The following MAMDC2 variants were observed in gnomAD, a reference collection of about 807,000 sequenced individuals.
MAMDC2 encodes MAM domain-containing protein 2.
MAMDC2 carries 57 observed loss-of-function variants against 89.8 expected under a neutral mutation model. That is an observed-to-expected ratio of 0.63 (90% confidence interval 0.51 to 0.79). The LOEUF (loss-of-function observed/expected upper bound fraction) is 0.79. Among genes scored for constraint, MAMDC2 ranks in the 30% least tolerant of loss-of-function variants. The probability of loss-of-function intolerance (pLI) is 0.00; values close to 1 mark genes in which losing one functional copy is unlikely to be tolerated. For missense variants in MAMDC2, 800 were observed against 820.6 expected (o/e 0.97, Z 0.31); for synonymous variants, 313 against 293.4 (o/e 1.07, Z -0.68).
In MAMDC2 at chr9:70,044,709, C is replaced by T. The variant is rs1048427244; in HGVS notation, c.148+12C>T. The T allele has an allele frequency of 3.9e-6, 6 of 1,537,824 alleles. No homozygotes were observed. Among genetic ancestry groups the T allele is most frequent in the Non-Finnish European group, 5.3e-6 (6 of 1,134,756 alleles). ...TTTAAATGAGGAAGGTAAGGAGGCT[C>T]GGTGGAGAGGGGCGCGAAGTGAACT... On this transcript the variant is annotated intron_variant, in intron 2 of 13. Coordinates refer to ENST00000377182, the MANE Select transcript of MAMDC2 (RefSeq NM_153267.5).
chr9:70,147,656 T>C (rs1246742238), intron 9 of MAMDC2, among the ~76,000 whole-genome samples: 1 of 150,140 alleles, frequency 6.7e-6, no homozygotes, highest in Non-Finnish European at 1.5e-5. Context: ...CCCCCTTGAC[T>C]TCCCAAATTC....
chr9:70,156,488 A>T (rs1352750908), intron 9 of MAMDC2, among the ~76,000 whole-genome samples: 1 of 152,236 alleles, frequency 6.6e-6, no homozygotes, highest in Admixed American at 6.5e-5. Flanking sequence ...ATCACATTTC[A>T]TGATGTCTGG....
Position 70,144,969 on chromosome 9 carries a change from T to C in MAMDC2, c.1404+1150T>C, listed in dbSNP as rs2031351092. Reference sequence around the variant, plus strand: ...CATCATTAAACTTTACCATGGTTAATCAAAGATCTCTGAAAATCTTTTGTT... The same window carrying C: ...CATCATTAAACTTTACCATGGTTAACCAAAGATCTCTGAAAATCTTTTGTT... On this transcript the variant is annotated intron_variant, in intron 9 of 13. Transcript: ENST00000377182. 2.0e-5 allele frequency among the ~76,000 whole-genome samples: 3 copies of C among 152,250 alleles called. No individual in the cohort carries two copies. In the South Asian group the frequency reaches 6.2e-4, roughly 32 times the overall value.
rs1460443289 is a variant in MAMDC2, at chr9:70,203,462, G to C, written c.1652-14875G>C. ...ATGGGCTTCCCTTTGAGGGTAACCCGACCTTTCTCTCTGGCTGCCCTTAAC... is the reference window on the plus strand; with the variant it reads ...ATGGGCTTCCCTTTGAGGGTAACCCCACCTTTCTCTCTGGCTGCCCTTAAC... On this transcript the variant is annotated intron_variant, in intron 11 of 13. Transcript: ENST00000377182. Among the ~76,000 whole-genome samples the C allele has an allele frequency of 2.9e-5, 4 of 139,984 alleles. No individual in the cohort carries two copies. The East Asian group carries it at 8.3e-4, about 29-fold the overall frequency. The allele number at this position is 139,984 out of a possible 152,430, so 91.8% of individuals were successfully genotyped here.
At chr9:70,159,047 TACACACACAC>T (rs755304556) in intron 9 of MAMDC2, among the ~76,000 whole-genome samples, 3 of 145,066 alleles carry the variant, frequency 2.1e-5, no homozygotes, top group Non-Finnish European at 1.5e-5. Flanking sequence ...GCATGCATAA[TACACACACAC>T]ACACACACAC....
chr9:70,102,506 C>T (rs1192032214), intron 2 of MAMDC2, among the ~76,000 whole-genome samples: 1 of 152,188 alleles, frequency 6.6e-6, no homozygotes, highest in African/African-American at 2.4e-5. Context: ...TCTGGCCATG[C>T]AGATGTGTCC....
At chr9:70,168,890 C>T in intron 10 of MAMDC2, 95 bp downstream of exon 10, 6 of 1,066,024 alleles carry the variant, frequency 5.6e-6, no homozygotes, top group Non-Finnish European at 8.4e-6. Context: ...TGTGCTAGTC[C>T]ATCCTTTGCT....
At chr9:70,142,310 G>A (rs1170204814) in intron 8 of MAMDC2, among the ~76,000 whole-genome samples, 1 of 152,156 alleles carries the variant, frequency 6.6e-6, no homozygotes, top group Non-Finnish European at 1.5e-5. Flanking sequence ...TGGCTGCACC[G>A]TGGGGAGGAA....
chr9:70,046,187 C>T (rs1563929760), intron 2 of MAMDC2, among the ~76,000 whole-genome samples: 2 of 152,194 alleles, frequency 1.3e-5, no homozygotes, highest in African/African-American at 4.8e-5. Context: ...GCCCCACTTC[C>T]TGAGTGTCTG....
intron 11 of MAMDC2, among the ~76,000 whole-genome samples, chr9:70,215,074 G>A (rs576301634): frequency 1.8e-4 from 28 of 152,238 alleles, no homozygotes; most frequent in South Asian, 4.2e-4. Context: ...TAAGAATAGC[G>A]AAGTAAAAAC....
intron 7 of MAMDC2, among the ~76,000 whole-genome samples, chr9:70,132,419 TA>T (rs1563968542): frequency 6.6e-6 from 1 of 152,176 alleles, no homozygotes; most frequent in African/African-American, 2.4e-5. Context: ...CTTGGTTATG[TA>T]GCATGGAAAG....
intron 2 of MAMDC2, among the ~76,000 whole-genome samples, chr9:70,106,821 G>A (rs934569286): frequency 6.6e-6 from 1 of 152,144 alleles, no homozygotes; most frequent in Admixed American, 6.6e-5. Flanking sequence ...GGCAAGAAAG[G>A]ATCCCTGAAG....
At chr9:70,109,899 A>G (rs1005691477) in intron 4 of MAMDC2, 95 bp downstream of exon 4, 186 of 934,048 alleles carry the variant, frequency 2.0e-4, no homozygotes, top group African/African-American at 4.7e-4. Flanking sequence ...AAGACCAACT[A>G]TTTTATAGAA....
At chr9:70,204,780 C>G (rs1473885036) in intron 11 of MAMDC2, among the ~76,000 whole-genome samples, 1 of 152,120 alleles carries the variant, frequency 6.6e-6, no homozygotes, top group African/African-American at 2.4e-5. Context: ...TTAAGCCGGT[C>G]TGAAAAGAGC....
chr9:70,112,645 C>G (rs965274067), intron 4 of MAMDC2, among the ~76,000 whole-genome samples: 1 of 152,096 alleles, frequency 6.6e-6, no homozygotes, highest in Admixed American at 6.5e-5. Flanking sequence ...ATGCCTGGCA[C>G]TATGCTGGGA....
intron 2 of MAMDC2, among the ~76,000 whole-genome samples, chr9:70,101,074 CGTT>C (rs762824455): frequency 7.2e-5 from 11 of 152,086 alleles, no homozygotes; most frequent in Non-Finnish European, 1.5e-4. Flanking sequence ...AGCCTAGTGA[CGTT>C]GTGATGATTC....
intron 2 of MAMDC2, among the ~76,000 whole-genome samples, chr9:70,074,377 T>A (rs1287256424): frequency 6.6e-6 from 1 of 152,240 alleles, no homozygotes; most frequent in Non-Finnish European, 1.5e-5. Context: ...AAGAGATGTA[T>A]GTTTGAGTCT....
intron 9 of MAMDC2, among the ~76,000 whole-genome samples, chr9:70,160,564 G>C (rs144307119): frequency 6.6e-6 from 1 of 152,146 alleles, no homozygotes; most frequent in Admixed American, 6.5e-5. Context: ...CAAAACAAGG[G>C]GGAAAAGTGA....
At chr9:70,167,019 T>C (rs1236008679) in intron 9 of MAMDC2, among the ~76,000 whole-genome samples, 1 of 152,152 alleles carries the variant, frequency 6.6e-6, no homozygotes, top group Admixed American at 6.5e-5. Context: ...GACACAGACC[T>C]TTGCTTTACA....
Sources: allele counts gnomAD v4.1 joint callset (sites outside exome capture counted in the v4.1 genomes callset), GRCh38; gene constraint gnomAD v4.1.1; transcripts MANE v1.5; gene names NCBI Gene and HGNC (gene_info 2026-07-23, HGNC 2026-07-21).